CSMD1: variants seen among roughly 807,000 people sequenced by gnomAD.
CSMD1 encodes CUB and sushi domain-containing protein 1.
CSMD1 carries 213 observed loss-of-function variants against 417.5 expected under a neutral mutation model. The observed-to-expected ratio is 0.51, with a 90% CI of 0.46 to 0.57. The LOEUF is 0.57. CSMD1 is among the 20% of genes least tolerant of loss of function. The pLI is 0.00. For missense variants in CSMD1, 6,923 were observed against 4,529.7 expected (o/e 1.53, Z -15.17); for synonymous variants, 2,862 against 1,736.8 (o/e 1.65, Z -16.11).
chr8:4,729,876 G>A (rs560172078), intron 1 of CSMD1, among the ~76,000 whole-genome samples: 1 of 152,122 alleles, frequency 6.6e-6, no homozygotes, highest in African/African-American at 2.4e-5. Context: ...AATTCCTAAG[G>A]TGATAGGAAC....
At chr8:4,887,274 A>C (rs1474397304) in intron 1 of CSMD1, among the ~76,000 whole-genome samples, 1 of 152,044 alleles carries the variant, frequency 6.6e-6, no homozygotes, top group Non-Finnish European at 1.5e-5. Flanking sequence ...ATACATGTAG[A>C]CTTTTCCTAG....
intron 57 of CSMD1, among the ~76,000 whole-genome samples, 157 bp from the exon 58 acceptor site, chr8:2,966,903 A>G (rs1804011230): frequency 6.6e-6 from 1 of 152,202 alleles, no homozygotes; most frequent in African/African-American, 2.4e-5. Flanking sequence ...ATGGCTTACT[A>G]TGGCTCATAT....
intron 2 of CSMD1, among the ~76,000 whole-genome samples, chr8:4,456,388 G>C (rs1045701872): frequency 2.0e-5 from 3 of 152,120 alleles, no homozygotes; most frequent in Non-Finnish European, 4.4e-5. Context: ...CAAATAGCTA[G>C]GTATCAAAGA....
At chr8:3,905,719 G>C (rs972870232) in intron 5 of CSMD1, among the ~76,000 whole-genome samples, 6 of 152,134 alleles carry the variant, frequency 3.9e-5, no homozygotes, top group Admixed American at 6.5e-5. Flanking sequence ...CCACATCCAA[G>C]TCCACGCAGA....
intron 2 of CSMD1, among the ~76,000 whole-genome samples, chr8:4,608,287 G>A: frequency 6.6e-6 from 1 of 152,194 alleles, no homozygotes. Flanking sequence ...GTGGGCTAAG[G>A]AGGCCCAAGG....
At chr8:4,139,790 A>C (rs79706775) in intron 3 of CSMD1, among the ~76,000 whole-genome samples, 4,043 of 151,202 alleles carry the variant, frequency 0.027, 445 homozygotes, top group African/African-American at 0.095. Flanking sequence ...CACTGAGCTC[A>C]GTGTTCTACA....
At chr8:4,773,690 G>C (rs139138439) in intron 1 of CSMD1, among the ~76,000 whole-genome samples, 2 of 152,060 alleles carry the variant, frequency 1.3e-5, no homozygotes, top group African/African-American at 4.8e-5. Context: ...GGCTTTGCAC[G>C]CCACGCTAGT....
At position 2,965,916 on chromosome 8, in the gene CSMD1, T is replaced by C; in HGVS notation, c.9139A>G (p.Ile3047Val). The part of the protein sequence containing the change: ...CGDPGTLANG[I>V]QFGTDFTFNK... ...AAGGTGAAGTCGGTCCCAAACTGGATGCCATTTGCTAGTGTGCCTGGATCC... is the reference window on the plus strand; with the variant it reads ...AAGGTGAAGTCGGTCCCAAACTGGACGCCATTTGCTAGTGTGCCTGGATCC... The change falls in exon 59 of 70, where the codon ATC (isoleucine) becomes GTC (valine). Residue 3047 changes from isoleucine to valine, a missense_variant. By Grantham distance (29) the Ile-to-Val change is conservative. Transcript: ENST00000635120. The C allele has an allele frequency of 1.2e-6, 2 of 1,609,872 alleles. No homozygotes were observed. The highest frequency in any genetic ancestry group is 1.7e-6 in the Non-Finnish European group (2 of 1,178,152).
rs149945916 is a variant in CSMD1 at position 3,202,508 on chromosome 8, G to C, written c.4985-783C>G. 1.3e-4 allele frequency among the ~76,000 whole-genome samples: 20 copies of C among 152,294 alleles called. 1 individual carries two copies. In the East Asian group the frequency reaches 3.5e-3, roughly 26 times the overall value. ...TGTGACTTCAAATTTAACTGATGCT[G>C]TGTATTCAGATTGACGATACAGAGG... is the stretch of plus-strand genomic sequence containing the variant. On this transcript the variant is annotated intron_variant, in intron 31 of 69. Coordinates refer to ENST00000635120, the MANE Select transcript of CSMD1 (RefSeq NM_033225.6).
intron 7 of CSMD1, among the ~76,000 whole-genome samples, chr8:3,688,923 A>ATTT (rs1800086911): frequency 6.6e-6 from 1 of 152,224 alleles, no homozygotes; most frequent in East Asian, 1.9e-4. Flanking sequence ...AAAGTTAAAA[A>ATTT]AAGTGAAAAT....
chr8:3,252,726 G>C (rs1800363264), intron 26 of CSMD1, among the ~76,000 whole-genome samples: 1 of 152,122 alleles, frequency 6.6e-6, no homozygotes, highest in South Asian at 2.1e-4. Context: ...ATTAATTATT[G>C]CCTCAATTTC....
chr8:3,208,425 C>T (rs533218534), intron 30 of CSMD1, among the ~76,000 whole-genome samples: 34 of 152,242 alleles, frequency 2.2e-4, no homozygotes, highest in African/African-American at 8.2e-4. Context: ...CACCACCACA[C>T]ACAGCTAATT....
intron 2 of CSMD1, among the ~76,000 whole-genome samples, chr8:4,588,759 T>A (rs1799836387): frequency 7.3e-6 from 1 of 137,710 alleles, no homozygotes; most frequent in Non-Finnish European, 1.6e-5. Flanking sequence ...CACTCCAGCC[T>A]GGCGACAGAG....
intron 21 of CSMD1, among the ~76,000 whole-genome samples, chr8:3,349,265 C>A (rs767630954): frequency 6.6e-6 from 1 of 152,146 alleles, no homozygotes; most frequent in Non-Finnish European, 1.5e-5. Flanking sequence ...CCCACTGCCA[C>A]GATACTGATT....
chr8:3,671,887 C>A (rs1324690820), intron 7 of CSMD1, among the ~76,000 whole-genome samples: 1 of 151,998 alleles, frequency 6.6e-6, no homozygotes. Flanking sequence ...AGATGGGGCA[C>A]CCACCCTCAT....
intron 6 of CSMD1, among the ~76,000 whole-genome samples, chr8:3,721,187 C>A (rs1481377932): frequency 6.6e-6 from 1 of 152,068 alleles, no homozygotes; most frequent in Non-Finnish European, 1.5e-5. Flanking sequence ...TTTCTCCAGC[C>A]TCTGCGTGAT....
At chr8:3,408,559 A>T (rs1290451007) in intron 13 of CSMD1, among the ~76,000 whole-genome samples, 1 of 151,486 alleles carries the variant, frequency 6.6e-6, no homozygotes, top group East Asian at 1.9e-4. Flanking sequence ...GCAAATATTA[A>T]TATGGAAAAG....
At chr8:3,644,295 C>T (rs1797463150) in intron 7 of CSMD1, among the ~76,000 whole-genome samples, 1 of 152,188 alleles carries the variant, frequency 6.6e-6, no homozygotes, top group Non-Finnish European at 1.5e-5. Context: ...ACAACACTGC[C>T]TGTGATCAAT....
intron 1 of CSMD1, among the ~76,000 whole-genome samples, chr8:4,732,373 GTGTGTGTGTA>G (rs1006399961): frequency 1.9e-4 from 29 of 149,542 alleles, no homozygotes; most frequent in East Asian, 4.0e-4. Flanking sequence ...GTGTGTGTGT[GTGTGTGTGTA>G]GTGTTTTTCC....
Sources: allele counts gnomAD v4.1 joint callset (sites outside exome capture counted in the v4.1 genomes callset), GRCh38; gene constraint gnomAD v4.1.1; transcripts MANE v1.5; gene names NCBI Gene and HGNC (gene_info 2026-07-23, HGNC 2026-07-21).